Variants in PPP2R5D observed in about 807,000 individuals in gnomAD.
PPP2R5D encodes the protein serine/threonine-protein phosphatase 2A 56 kDa regulatory subunit delta isoform.
Under a neutral mutation model 79.1 loss-of-function variants are expected in PPP2R5D, and 12 were observed. That is an observed-to-expected ratio of 0.15 (90% CI 0.10 to 0.25). PPP2R5D has a LOEUF of 0.25. Ranked by LOEUF, PPP2R5D falls within the 10% of genes least tolerant of loss-of-function variation. The pLI is 1.00. For synonymous variants in PPP2R5D, 277 were observed against 286.6 expected (o/e 0.97, Z 0.34); for missense variants, 419 against 760.2 (o/e 0.55, Z 5.28).
chr6:42,987,368 T>C (rs911644270), intron 1 of PPP2R5D, among the ~76,000 whole-genome samples: 1 of 152,198 alleles, frequency 6.6e-6, no homozygotes, highest in African/African-American at 2.4e-5. Flanking sequence ...CTTACCTCTT[T>C]TATTTTCCTG....
In PPP2R5D at chr6:42,989,623, G is replaced by A. The variant is rs1771109410; in HGVS notation, c.40G>A (p.Val14Ile). 1 of 1,613,800 alleles carries A rather than the reference G, an allele frequency of 6.2e-7. No homozygotes were observed. Reference sequence around the variant, plus strand: ...CTTTTCCTTTCAGGAGCCCCCCAAGGTTGCCAAATGCACAGCCAAGCCTAG... The same window carrying A: ...CTTTTCCTTTCAGGAGCCCCCCAAGATTGCCAAATGCACAGCCAAGCCTAG... ...KLKKEKEPPK[V>I]AKCTAKPSSS... is the part of the protein sequence containing the mutation. The change falls in exon 2 of 16, where the codon GTT (valine) becomes ATT (isoleucine). Residue 14 changes from valine to isoleucine, a missense_variant. This residue lies in a region of PPP2R5D where 110 missense variants were observed against 147.6 expected (regional missense o/e 0.75). Coordinates refer to ENST00000485511, the MANE Select transcript of PPP2R5D (RefSeq NM_006245.4).
chr6:43,009,063 G>T lies in PPP2R5D; in HGVS notation c.1087G>T (p.Val363Leu), dbSNP rs1330473604. ...TGCCCTCCTTGTCTCCCAGGTAATT[G>T]TGGGACTTCTCAAGTTTTGGCCCAA... Reference protein sequence around the residue: ...KESSLTEPVIVGLLKFWPKTH... With the variant: ...KESSLTEPVILGLLKFWPKTH... Residue 363 changes from valine to leucine, a missense_variant, in exon 11 of 16, where the codon GTG (valine) becomes TTG (leucine). By Grantham distance (32) the Val-to-Leu change is conservative. Coordinates refer to ENST00000485511, the MANE Select transcript of PPP2R5D (RefSeq NM_006245.4). The surrounding 1 kb of genome is among the most constrained non-coding windows in gnomAD (Gnocchi z 5.6). 1 of 1,613,796 alleles carries T rather than the reference G, an allele frequency of 6.2e-7. No individual in the cohort carries two copies. The highest frequency in any genetic ancestry group is 1.7e-5 in the Admixed American group (1 of 59,966).
At chr6:43,004,845 G>C (rs1247291951) in intron 2 of PPP2R5D, among the ~76,000 whole-genome samples, 1 of 151,216 alleles carries the variant, frequency 6.6e-6, no homozygotes, top group Non-Finnish European at 1.5e-5. Context: ...AACCTCCTGG[G>C]TTCAAGTGAT....
intron 2 of PPP2R5D, among the ~76,000 whole-genome samples, chr6:42,996,535 C>T (rs778488970): frequency 6.6e-6 from 1 of 152,106 alleles, no homozygotes; most frequent in Non-Finnish European, 1.5e-5. Flanking sequence ...AAAGCCACCT[C>T]TTCAGGGATA....
At chr6:43,002,946 G>A (rs1356854217) in intron 2 of PPP2R5D, among the ~76,000 whole-genome samples, 1 of 152,140 alleles carries the variant, frequency 6.6e-6, no homozygotes, top group Non-Finnish European at 1.5e-5. Flanking sequence ...TCCTATTCTA[G>A]ACTCTGTTTG....
rs146266554 is a variant in PPP2R5D, at chr6:43,006,111, G to T, written c.106-352G>T. 2.6e-4 allele frequency among the ~76,000 whole-genome samples: 40 copies of T among 152,220 alleles called. No individual in the cohort carries two copies. The highest frequency in any genetic ancestry group is 5.1e-4 in the Non-Finnish European group (35 of 68,022). ...TCATGTGTCTTCTTATTCATCATGT[G>T]TCTTCTTAGCAATACCCACCCCATT... On this transcript the variant is annotated intron_variant, in intron 2 of 15. Coordinates refer to ENST00000485511, the MANE Select transcript of PPP2R5D (RefSeq NM_006245.4). This position sits in a 1 kb window ranked among gnomAD's most constrained non-coding sequence, Gnocchi z 4.7.
rs373536049 is a variant in PPP2R5D, at chr6:43,010,358, G to A, written c.1380-110G>A. ...CACAGAGGTTTGTGAACTGGAAGTAGTAAATGACAAAGCTCTTAGCAGAGA... is the reference window on the plus strand; with the variant it reads ...CACAGAGGTTTGTGAACTGGAAGTAATAAATGACAAAGCTCTTAGCAGAGA... On this transcript the variant is annotated intron_variant, in intron 12 of 15. Coordinates refer to ENST00000485511, the MANE Select transcript of PPP2R5D (RefSeq NM_006245.4). This position sits in a 1 kb window ranked among gnomAD's most constrained non-coding sequence, Gnocchi z 4.7. 1.5e-5 allele frequency: 13 copies of A among 849,342 alleles called. No homozygotes were observed. In the African/African-American group the frequency reaches 2.0e-4, roughly 13 times the overall value. The allele number at this position is 849,342 out of a possible 1,614,324, so 52.6% of individuals were successfully genotyped here. A position where few individuals can be genotyped will look rare whatever the true frequency, so the allele number is the denominator to read the frequency against.
Position 43,007,589 on chromosome 6 carries a change from A to G in PPP2R5D, c.726+83A>G. The G allele has an allele frequency of 7.6e-7, 1 of 1,308,278 alleles. No individual in the cohort carries two copies. The highest frequency in any genetic ancestry group is 1.1e-6 in the Non-Finnish European group (1 of 906,728). The allele number at this position is 1,308,278 out of a possible 1,614,324, so 81.0% of individuals were successfully genotyped here. The stretch of plus-strand genomic sequence containing the variant: ...GTGTCCCAGTGGCTCTTTCCCCTTA[A>G]GCTGAATATATTGGGTTTCATCCAT... On this transcript the variant is annotated intron_variant, in intron 6 of 15. Coordinates refer to ENST00000485511, the MANE Select transcript of PPP2R5D (RefSeq NM_006245.4). The surrounding 1 kb of genome is among the most constrained non-coding windows in gnomAD (Gnocchi z 4.5).
intron 2 of PPP2R5D, among the ~76,000 whole-genome samples, chr6:42,995,728 CTT>C (rs200983437): frequency 7.0e-5 from 10 of 143,374 alleles, no homozygotes; most frequent in African/African-American, 2.0e-4. Flanking sequence ...AATTTTTCTC[CTT>C]TTTTTTTTTG....
Position 42,984,589 on chromosome 6 carries a change from G to T in PPP2R5D, c.-89G>T. ...CCGGGCGCAGCGCGCAGGCGGTGGCGAAGAGACGCCGAGCGGGCCGAGTGC... is the reference window on the plus strand; with the variant it reads ...CCGGGCGCAGCGCGCAGGCGGTGGCTAAGAGACGCCGAGCGGGCCGAGTGC... On this transcript the variant is annotated 5_prime_UTR_variant, in exon 1 of 16. Transcript: ENST00000485511. 3 of 1,489,790 alleles carry T rather than the reference G, an allele frequency of 2.0e-6. No individual in the cohort carries two copies. The highest frequency in any genetic ancestry group is 2.5e-5 in the Admixed American group (1 of 40,126). The allele number at this position is 1,489,790 out of a possible 1,614,324, so 92.3% of individuals were successfully genotyped here. A position where few individuals can be genotyped will look rare whatever the true frequency, so the allele number is the denominator to read the frequency against.
At position 43,006,695 on chromosome 6, in the gene PPP2R5D, T is replaced by G; in HGVS notation, c.322+16T>G. 6.2e-7 allele frequency: 1 copy of G among 1,610,858 alleles called. No individual in the cohort carries two copies. Among genetic ancestry groups the G allele is most frequent in the Non-Finnish European group, 8.5e-7 (1 of 1,177,836 alleles). On this transcript the variant is annotated intron_variant, in intron 3 of 15. Coordinates refer to ENST00000485511, the MANE Select transcript of PPP2R5D (RefSeq NM_006245.4). The surrounding 1 kb of genome is among the most constrained non-coding windows in gnomAD (Gnocchi z 4.7). ...GCCCTGAAAGGTACTTGGCAATTGG[T>G]CACAGGGGCTGTTTTACCAGTTCTA...
At position 43,007,866 on chromosome 6, in the gene PPP2R5D, A is replaced by T; in HGVS notation, c.727-69A>T. 1 of 1,595,136 alleles carries T rather than the reference A, an allele frequency of 6.3e-7. No individual in the cohort carries two copies. The highest frequency in any genetic ancestry group is 8.6e-7 in the Non-Finnish European group (1 of 1,165,032). ...CTCTGCATTTCCCCTGGCGGGACCT[A>T]TGTCACCCTGGCCACTGCCTTCCCT... On this transcript the variant is annotated intron_variant, in intron 6 of 15. Coordinates refer to ENST00000485511, the MANE Select transcript of PPP2R5D (RefSeq NM_006245.4). This position sits in a 1 kb window ranked among gnomAD's most constrained non-coding sequence, Gnocchi z 4.5.
At chr6:42,995,496 ACTGGC>A (rs1359269296) in intron 2 of PPP2R5D, among the ~76,000 whole-genome samples, 1 of 151,182 alleles carries the variant, frequency 6.6e-6, no homozygotes, top group Non-Finnish European at 1.5e-5. Flanking sequence ...ATGCAGTTCC[ACTGGC>A]CCGGACTGCT....
At position 43,007,382 on chromosome 6, in the gene PPP2R5D, A is replaced by G. The variant is rs750129060; in HGVS notation, c.634-32A>G. On this transcript the variant is annotated intron_variant, in intron 5 of 15. Transcript: ENST00000485511. This position sits in a 1 kb window ranked among gnomAD's most constrained non-coding sequence, Gnocchi z 4.5. ...TGGAGGCCTGCAAGTCCTTGGGAAC[A>G]TCCCCTCAGTGGCGTGCCTTTTCCC... 6.2e-7 allele frequency: 1 copy of G among 1,604,652 alleles called. No homozygotes were observed. The highest frequency in any genetic ancestry group is 8.5e-7 in the Non-Finnish European group (1 of 1,171,398).
rs544181814 is a variant in PPP2R5D at position 42,995,611 on chromosome 6, G to C, written c.105+5923G>C. ...TCTGTCGCCCAGGCTGGAGTGCAGT[G>C]GTGTGATCTCAGCTCACTGCAACCC... On this transcript the variant is annotated intron_variant, in intron 2 of 15. Transcript: ENST00000485511. Among the ~76,000 whole-genome samples the C allele has an allele frequency of 3.3e-5, 5 of 151,378 alleles. No homozygotes were observed. In the South Asian group the frequency reaches 1.0e-3, roughly 32 times the overall value.
intron 2 of PPP2R5D, among the ~76,000 whole-genome samples, chr6:43,002,321 GC>G (rs745903842): frequency 6.6e-5 from 10 of 152,014 alleles, no homozygotes; most frequent in Admixed American, 2.0e-4. Flanking sequence ...GTGCCACCAC[GC>G]CCAGCTAATT....
intron 2 of PPP2R5D, among the ~76,000 whole-genome samples, chr6:43,004,174 C>G (rs1048392015): frequency 3.3e-5 from 5 of 152,174 alleles, no homozygotes; most frequent in African/African-American, 1.2e-4. Context: ...AGGCACCCAC[C>G]ACCAGGCCTG....
At chr6:42,990,935 CT>C (rs1220892753) in intron 2 of PPP2R5D, among the ~76,000 whole-genome samples, 1 of 152,056 alleles carries the variant, frequency 6.6e-6, no homozygotes, top group Non-Finnish European at 1.5e-5. Flanking sequence ...TGGACTTGAA[CT>C]CCTGACCTCA....
At chr6:43,001,541 G>A (rs1246987845) in intron 2 of PPP2R5D, among the ~76,000 whole-genome samples, 2 of 152,078 alleles carry the variant, frequency 1.3e-5, no homozygotes, top group African/African-American at 4.8e-5. Context: ...ACCTGGATAT[G>A]GGAAATAATA....
Sources: gnomAD v4.1 joint callset for allele counts (sites outside exome capture counted in the v4.1 genomes callset) on GRCh38, gnomAD v4.1.1 for gene constraint, gnomAD v4.1.1 regional missense constraint, Gnocchi (gnomAD v3.1) non-coding constraint, MANE v1.5 for transcripts, NCBI Gene and HGNC (gene_info 2026-07-23, HGNC 2026-07-21) for gene names.